STYK1: variants seen among roughly 807,000 people sequenced by gnomAD.
STYK1 encodes the protein tyrosine-protein kinase STYK1.
STYK1 carries 46 observed loss-of-function variants against 48.1 expected under a neutral mutation model. That is an observed-to-expected ratio of 0.96 (90% CI 0.75 to 1.22). The LOEUF (loss-of-function observed/expected upper bound fraction) is 1.22, where lower values mean the gene tolerates loss of function less well. Ranked by LOEUF, STYK1 falls within the 50% of genes most tolerant of loss-of-function variation. The pLI is 0.00. For missense variants in STYK1, 527 were observed against 521.1 expected (o/e 1.01, Z -0.11); for synonymous variants, 188 against 189.0 (o/e 0.99, Z 0.04).
intron 1 of STYK1, among the ~76,000 whole-genome samples, chr12:10,647,092 A>AAT (rs1487383724): frequency 6.6e-6 from 1 of 152,206 alleles, no homozygotes; most frequent in Non-Finnish European, 1.5e-5. Flanking sequence ...GCCCCCACAC[A>AAT]ATGTCCCTAT....
At chr12:10,622,224 C>A (rs1218238995) in intron 9 of STYK1, among the ~76,000 whole-genome samples, 1 of 152,072 alleles carries the variant, frequency 6.6e-6, no homozygotes, top group Non-Finnish European at 1.5e-5. Flanking sequence ...TCAAATAAGA[C>A]AAAGTAAGAC....
chr12:10,671,887 A>C (rs1277356028), intron 1 of STYK1, among the ~76,000 whole-genome samples: 1 of 151,604 alleles, frequency 6.6e-6, no homozygotes, highest in Admixed American at 6.6e-5. Context: ...GCATAATTAA[A>C]GACATTAGTT....
intron 10 of STYK1, 144 bp from the exon 11 acceptor site, chr12:10,620,492 G>T (rs1865890345): frequency 2.8e-6 from 2 of 722,072 alleles, no homozygotes; most frequent in Non-Finnish European, 2.3e-6. Flanking sequence ...TCTTCCCAGA[G>T]AGTGATATTC....
intron 1 of STYK1, among the ~76,000 whole-genome samples, chr12:10,639,980 C>A (rs903847341): frequency 2.6e-5 from 4 of 152,100 alleles, no homozygotes; most frequent in Non-Finnish European, 5.9e-5. Flanking sequence ...CATATAGGAA[C>A]CTCATAGGGA....
In STYK1 at chr12:10,643,755, C is replaced by T. The variant is rs75879224; in HGVS notation, c.-194-6559G>A. ...AGGCAAGAGAGGAGGAATATCCAGG[C>T]CTTGGATGGGAACAGAGCTTGATAC... On this transcript the variant is annotated intron_variant, in intron 1 of 10. Coordinates refer to ENST00000075503, the MANE Select transcript of STYK1 (RefSeq NM_018423.3). 2.6e-3 allele frequency among the ~76,000 whole-genome samples: 403 copies of T among 152,166 alleles called. 4 individuals carry two copies. The highest frequency in any genetic ancestry group is 5.0e-3 in the Non-Finnish European group (340 of 67,992).
chr12:10,637,512 T>G (rs938750383), intron 1 of STYK1, among the ~76,000 whole-genome samples: 1 of 151,938 alleles, frequency 6.6e-6, no homozygotes, highest in East Asian at 1.9e-4. Flanking sequence ...CGGCTAATTT[T>G]CTGTATTTTT....
rs748376514 is a variant in STYK1, at chr12:10,621,962, C to T, written c.978G>A (p.Pro326=). The part of the protein sequence containing the change: ...LYEMVTLGAP[P]YPEVPPTSIL... ...TGCTGGTAGGAGGGACTTCAGGATA[C>T]GGTGGTGCTCCTGTCATTACGAAAA... Residue 326 remains proline, a synonymous_variant, in exon 10 of 11, where the codon CCG becomes CCA. Transcript: ENST00000075503. 17 of 1,613,276 alleles carry T rather than the reference C, an allele frequency of 1.1e-5. No individual in the cohort carries two copies. The highest frequency in any genetic ancestry group is 8.0e-5 in the African/African-American group (6 of 74,862).
At chr12:10,649,833 C>T (rs919247662) in intron 1 of STYK1, among the ~76,000 whole-genome samples, 2 of 152,140 alleles carry the variant, frequency 1.3e-5, no homozygotes, top group African/African-American at 2.4e-5. Flanking sequence ...TGGCTTCAGG[C>T]CGGGAGCAGT....
intron 1 of STYK1, among the ~76,000 whole-genome samples, chr12:10,638,845 G>C (rs1180877367): frequency 6.6e-6 from 1 of 152,196 alleles, no homozygotes; most frequent in Non-Finnish European, 1.5e-5. Context: ...GTTCCAGTAA[G>C]GTACAGTTAA....
At chr12:10,638,362 T>A (rs529944555) in intron 1 of STYK1, among the ~76,000 whole-genome samples, 5 of 152,268 alleles carry the variant, frequency 3.3e-5, no homozygotes, top group Middle Eastern at 3.4e-3. Flanking sequence ...AACTCCCCTC[T>A]TTCATTGAGA....
intron 7 of STYK1, among the ~76,000 whole-genome samples, chr12:10,625,202 CTTT>C (rs138585366): frequency 6.6e-5 from 8 of 122,094 alleles, no homozygotes; most frequent in Non-Finnish European, 1.1e-4. Context: ...AAGTTTCTTT[CTTT>C]TTTTGTTTGT....
chr12:10,628,831 C>A (rs1947388459), intron 6 of STYK1, among the ~76,000 whole-genome samples: 2 of 152,010 alleles, frequency 1.3e-5, no homozygotes, highest in Non-Finnish European at 2.9e-5. Flanking sequence ...AGTTTGCCCA[C>A]CATATTATAG....
chr12:10,650,686 A>G (rs1947652951), intron 1 of STYK1, among the ~76,000 whole-genome samples: 1 of 152,154 alleles, frequency 6.6e-6, no homozygotes, highest in Non-Finnish European at 1.5e-5. Flanking sequence ...AAATTTGGGA[A>G]ACCAATTCAG....
intron 6 of STYK1, 61 bp downstream of exon 6, chr12:10,629,432 G>A (rs1470353384): frequency 6.4e-7 from 1 of 1,558,632 alleles, no homozygotes; most frequent in African/African-American, 1.4e-5. Context: ...TAACTGACAT[G>A]TAAAAAGCTA....
chr12:10,620,221 A>G lies in STYK1; in HGVS notation c.1192T>C (p.Leu398=). The G allele has an allele frequency of 6.2e-7, 1 of 1,614,092 alleles. No homozygotes were observed. The highest frequency in any genetic ancestry group is 8.5e-7 in the Non-Finnish European group (1 of 1,179,996). The change falls in exon 11 of 11, where the codon TTG becomes CTG. Residue 398 remains leucine, a synonymous_variant. Coordinates refer to ENST00000075503, the MANE Select transcript of STYK1 (RefSeq NM_018423.3). ...DDEAVLQVPE[L]VVPELYAAVA... is the part of the protein sequence containing the mutation. ...GCTGCATACAGTTCAGGTACCACCAACTCTGGTACTTGTAACACAGCCTCG... is the reference window on the plus strand; with the variant it reads ...GCTGCATACAGTTCAGGTACCACCAGCTCTGGTACTTGTAACACAGCCTCG...
intron 1 of STYK1, among the ~76,000 whole-genome samples, chr12:10,655,157 G>T (rs1256838699): frequency 1.3e-5 from 2 of 152,170 alleles, no homozygotes; most frequent in Non-Finnish European, 2.9e-5. Context: ...CTTTGAATTT[G>T]TCTTTCTGTG....
intron 1 of STYK1, among the ~76,000 whole-genome samples, chr12:10,660,422 C>A (rs776382441): frequency 2.0e-4 from 31 of 152,106 alleles, no homozygotes; most frequent in Non-Finnish European, 4.0e-4. Context: ...GATCGTCATC[C>A]CTCTACAACC....
intron 1 of STYK1, among the ~76,000 whole-genome samples, chr12:10,665,595 C>T (rs1254641610): frequency 6.6e-6 from 1 of 152,108 alleles, no homozygotes; most frequent in Non-Finnish European, 1.5e-5. Context: ...GGAAGAAGAT[C>T]CTGGCCCTTG....
At chr12:10,673,233 C>G (rs1039269117) in intron 1 of STYK1, among the ~76,000 whole-genome samples, 6 of 151,954 alleles carry the variant, frequency 3.9e-5, no homozygotes, top group African/African-American at 1.5e-4. Context: ...AATAAATAGC[C>G]GGCCGTGGTG....
Sources: gnomAD v4.1 joint callset for allele counts (sites outside exome capture counted in the v4.1 genomes callset) on GRCh38, gnomAD v4.1.1 for gene constraint, MANE v1.5 for transcripts, NCBI Gene and HGNC (gene_info 2026-07-23, HGNC 2026-07-21) for gene names.